CAMK1D: variants seen among roughly 807,000 people sequenced by gnomAD.
CAMK1D encodes the protein calcium/calmodulin-dependent protein kinase type 1D.
CAMK1D carries 9 observed loss-of-function variants against 47.7 expected under a neutral mutation model. The ratio of observed to expected loss-of-function variants is 0.19; its 90% CI spans 0.11 to 0.33. The LOEUF (loss-of-function observed/expected upper bound fraction) is 0.33. Among genes scored for constraint, CAMK1D ranks in the 10% least tolerant of loss-of-function variants. The pLI is 1.00. For missense variants in CAMK1D, 291 were observed against 488.7 expected (o/e 0.60, Z 3.81); for synonymous variants, 184 against 184.9 (o/e 0.99, Z 0.04).
intron 4 of CAMK1D, among the ~76,000 whole-genome samples, chr10:12,767,549 C>CTGATG (rs1836825029): frequency 1.3e-5 from 2 of 152,144 alleles, no homozygotes; most frequent in Admixed American, 6.5e-5. Flanking sequence ...TCAAGAGATC[C>CTGATG]TGATGACATG....
At chr10:12,533,643 G>T (rs1431766959) in intron 1 of CAMK1D, among the ~76,000 whole-genome samples, 2 of 152,036 alleles carry the variant, frequency 1.3e-5, no homozygotes, top group African/African-American at 2.4e-5. Context: ...TGAAAATGAC[G>T]CAGGCCCTCC....
chr10:12,603,300 G>A (rs202042633), intron 2 of CAMK1D, among the ~76,000 whole-genome samples: 1 of 152,114 alleles, frequency 6.6e-6, no homozygotes, highest in Non-Finnish European at 1.5e-5. Flanking sequence ...GACTGGCTCT[G>A]CCTGCTGCGT....
At chr10:12,496,555 A>G (rs967738774) in intron 1 of CAMK1D, among the ~76,000 whole-genome samples, 1 of 152,104 alleles carries the variant, frequency 6.6e-6, no homozygotes, top group Non-Finnish European at 1.5e-5. Context: ...GCAAAGGTGG[A>G]ACTATGGCCT....
intron 1 of CAMK1D, among the ~76,000 whole-genome samples, chr10:12,401,843 A>C (rs2131917924): frequency 6.6e-6 from 1 of 152,022 alleles, no homozygotes; most frequent in South Asian, 2.1e-4. Context: ...GAGTAGTGAG[A>C]GAGAAAGCTG....
intron 3 of CAMK1D, among the ~76,000 whole-genome samples, chr10:12,669,412 T>C (rs1051210929): frequency 1.3e-5 from 2 of 152,116 alleles, no homozygotes; most frequent in Non-Finnish European, 2.9e-5. Context: ...TTGAATTACC[T>C]AAGGAAAAAA....
Position 12,666,814 on chromosome 10 carries a change from A to C in CAMK1D, c.299+4A>C. 2.5e-6 allele frequency: 4 copies of C among 1,610,782 alleles called. No homozygotes were observed. The highest frequency in any genetic ancestry group is 3.4e-6 in the Non-Finnish European group (4 of 1,177,100). Reference sequence around the variant, plus strand: ...ACCTGTACTTGGTCATGCAGCTGTAAGTACCTTGTTTGATTGATGAGTTTT... The same window carrying C: ...ACCTGTACTTGGTCATGCAGCTGTACGTACCTTGTTTGATTGATGAGTTTT... On this transcript the variant is annotated splice_donor_region_variant and intron_variant, in intron 3 of 10. Transcript: ENST00000619168.
intron 1 of CAMK1D, among the ~76,000 whole-genome samples, chr10:12,535,277 C>A (rs1015636343): frequency 2.0e-5 from 3 of 152,152 alleles, no homozygotes; most frequent in African/African-American, 7.2e-5. Context: ...AGCTGTGGCT[C>A]CAACTTCTTA....
intron 2 of CAMK1D, among the ~76,000 whole-genome samples, chr10:12,583,610 T>TTA (rs1564427187): frequency 3.0e-4 from 46 of 151,038 alleles, no homozygotes; most frequent in African/African-American, 1.1e-3. Context: ...GTTTTATTTT[T>TTA]TTTTTTTTTT....
intron 2 of CAMK1D, among the ~76,000 whole-genome samples, chr10:12,605,592 G>A (rs752635660): frequency 2.9e-4 from 44 of 152,112 alleles, no homozygotes; most frequent in Non-Finnish European, 5.1e-4. Context: ...AACTTCTGCA[G>A]TACAGTTTGT....
intron 3 of CAMK1D, among the ~76,000 whole-genome samples, chr10:12,742,683 G>T (rs1279686642): frequency 6.6e-6 from 1 of 152,146 alleles, no homozygotes; most frequent in East Asian, 1.9e-4. Context: ...TAATATGAGC[G>T]AGTGAGGTGC....
chr10:12,610,995 AGGAGTACTT>A (rs2132410985), intron 2 of CAMK1D, among the ~76,000 whole-genome samples: 1 of 152,304 alleles, frequency 6.6e-6, no homozygotes, highest in Non-Finnish European at 1.5e-5. Context: ...AGGCACTCTT[AGGAGTACTT>A]TATGTATTCA....
chr10:12,702,662 A>C (rs1833571052), intron 3 of CAMK1D, among the ~76,000 whole-genome samples: 1 of 152,212 alleles, frequency 6.6e-6, no homozygotes, highest in African/African-American at 2.4e-5. Flanking sequence ...CCAGTTTTAC[A>C]AGAGAAGGAA....
intron 1 of CAMK1D, among the ~76,000 whole-genome samples, chr10:12,407,890 C>T (rs930814850): frequency 2.2e-5 from 3 of 138,854 alleles, no homozygotes; most frequent in African/African-American, 8.1e-5. Context: ...GAGACTCTCA[C>T]TCTGTCACCC....
At chr10:12,476,867 C>A (rs528425023) in intron 1 of CAMK1D, among the ~76,000 whole-genome samples, 4 of 152,320 alleles carry the variant, frequency 2.6e-5, no homozygotes, top group African/African-American at 9.6e-5. Context: ...GCTCTCCGTT[C>A]TGTCTGCTCC....
chr10:12,370,208 G>C (rs563766545), intron 1 of CAMK1D, among the ~76,000 whole-genome samples: 2 of 152,154 alleles, frequency 1.3e-5, no homozygotes, highest in Admixed American at 6.5e-5. Flanking sequence ...ATGATGTTGT[G>C]GTGCCATGGA....
intron 1 of CAMK1D, among the ~76,000 whole-genome samples, chr10:12,440,579 TGCCC>T (rs1404521544): frequency 7.3e-4 from 111 of 152,312 alleles, no homozygotes; most frequent in African/African-American, 2.6e-3. Flanking sequence ...TGAGCCACCA[TGCCC>T]AGCCAGATAC....
intron 1 of CAMK1D, among the ~76,000 whole-genome samples, chr10:12,482,449 C>T (rs1051129188): frequency 4.6e-5 from 7 of 152,192 alleles, no homozygotes; most frequent in African/African-American, 9.6e-5. Context: ...GAAATCTCAC[C>T]GGCCACTTTC....
At chr10:12,526,950 C>A (rs1237393744) in intron 1 of CAMK1D, among the ~76,000 whole-genome samples, 2 of 150,332 alleles carry the variant, frequency 1.3e-5, no homozygotes, top group African/African-American at 4.9e-5. Flanking sequence ...ACTCAGAAGG[C>A]CGAGATGGGA....
intron 3 of CAMK1D, among the ~76,000 whole-genome samples, chr10:12,715,858 C>T (rs780438769): frequency 4.6e-5 from 7 of 151,046 alleles, no homozygotes; most frequent in Admixed American, 1.3e-4. Context: ...TACAGGTGCG[C>T]GCCACGATGC....
Sources: allele counts gnomAD v4.1 joint callset (sites outside exome capture counted in the v4.1 genomes callset), GRCh38; gene constraint gnomAD v4.1.1; transcripts MANE v1.5; gene names NCBI Gene and HGNC (gene_info 2026-07-23, HGNC 2026-07-21).